The following SEMA3C variants were observed in gnomAD, a reference collection of about 807,000 sequenced individuals.
SEMA3C encodes semaphorin 3C.
A neutral mutation model predicts 89.4 loss-of-function variants in SEMA3C; 47 were observed. The ratio of observed to expected loss-of-function variants is 0.53; its 90% CI spans 0.42 to 0.67. The LOEUF (loss-of-function observed/expected upper bound fraction) is 0.67. Ranked by LOEUF, SEMA3C falls within the 30% of genes least tolerant of loss-of-function variation. The pLI is 0.00. For synonymous variants in SEMA3C, 310 were observed against 320.2 expected (o/e 0.97, Z 0.34); for missense variants, 839 against 929.1 (o/e 0.90, Z 1.26).
At chr7:80,763,177 G>A (rs907917736) in intron 13 of SEMA3C, among the ~76,000 whole-genome samples, 1 of 152,118 alleles carries the variant, frequency 6.6e-6, no homozygotes, top group Non-Finnish European at 1.5e-5. Flanking sequence ...AGAGATTATG[G>A]TCCTGCACTG....
intron 2 of SEMA3C, among the ~76,000 whole-genome samples, chr7:80,848,063 A>G (rs539876554): frequency 1.3e-5 from 2 of 152,312 alleles, no homozygotes; most frequent in Admixed American, 6.5e-5. Flanking sequence ...TATACATGCA[A>G]CTAATTCTAG....
At chr7:80,896,114 T>G (rs1228021032) in intron 2 of SEMA3C, among the ~76,000 whole-genome samples, 1 of 152,144 alleles carries the variant, frequency 6.6e-6, no homozygotes, top group African/African-American at 2.4e-5. Flanking sequence ...AATATTGTAA[T>G]TCATATTACA....
Position 80,919,025 on chromosome 7 carries a change from G to C in SEMA3C, c.-236C>G. On this transcript the variant is annotated 5_prime_UTR_variant, in exon 1 of 18. Coordinates refer to ENST00000265361, the MANE Select transcript of SEMA3C (RefSeq NM_006379.5). ...GCCGCGGCACCCGGAGCTCTTCTCC[G>C]CGTCGCTCAATCAAGCACCTCGGAG... The C allele has an allele frequency of 2.0e-6, 2 of 985,338 alleles. No homozygotes were observed. Among genetic ancestry groups the C allele is most frequent in the South Asian group, 4.7e-5 (1 of 21,290 alleles). The allele number at this position is 985,338 out of a possible 1,614,324, so 61.0% of individuals were successfully genotyped here. A position where few individuals can be genotyped will look rare whatever the true frequency, so the allele number is the denominator to read the frequency against.
intron 2 of SEMA3C, among the ~76,000 whole-genome samples, chr7:80,859,211 G>C (rs1188816598): frequency 1.3e-5 from 2 of 152,028 alleles, no homozygotes; most frequent in Non-Finnish European, 2.9e-5. Flanking sequence ...TTTTCCTATA[G>C]AGATGAGCCA....
At chr7:80,863,966 C>CAT (rs567412699) in intron 2 of SEMA3C, among the ~76,000 whole-genome samples, 1 of 135,938 alleles carries the variant, frequency 7.4e-6, no homozygotes, top group African/African-American at 3.0e-5. Flanking sequence ...ATGTATATCA[C>CAT]ATATATATCA....
In SEMA3C at chr7:80,750,435, CATATATAT is replaced by C. The variant is rs71520704; in HGVS notation, c.1711+826_1711+833del. On this transcript the variant is annotated intron_variant, in intron 16 of 17. Coordinates refer to ENST00000265361, the MANE Select transcript of SEMA3C (RefSeq NM_006379.5). ...TATGGCTTACCTACATACATACGTA[CATATATAT>C]ATATATATATATATATATATATATA... 6.8e-3 allele frequency among the ~76,000 whole-genome samples: 484 copies of C among 71,066 alleles called. 12 individuals carry two copies. The highest frequency in any genetic ancestry group is 0.052 in the South Asian group (124 of 2,400). 46.6% of individuals were successfully genotyped at this position (71,066 alleles called of 152,430 possible).
intron 2 of SEMA3C, among the ~76,000 whole-genome samples, chr7:80,903,376 T>C (rs144472605): frequency 2.6e-5 from 4 of 152,236 alleles, no homozygotes; most frequent in African/African-American, 7.2e-5. Context: ...AATAATCTTA[T>C]GGGGCCAGGC....
chr7:80,803,676 C>T (rs1789265919), intron 8 of SEMA3C, among the ~76,000 whole-genome samples: 2 of 151,962 alleles, frequency 1.3e-5, no homozygotes, highest in African/African-American at 4.8e-5. Flanking sequence ...ATAAATGGTT[C>T]CTTAATAATC....
intron 2 of SEMA3C, among the ~76,000 whole-genome samples, chr7:80,894,779 T>C (rs1791693970): frequency 6.6e-6 from 1 of 152,170 alleles, no homozygotes; most frequent in Non-Finnish European, 1.5e-5. Flanking sequence ...ATTTTTATCA[T>C]CCTTCACACT....
At chr7:80,824,307 A>G (rs1490002944) in intron 4 of SEMA3C, among the ~76,000 whole-genome samples, 1 of 152,178 alleles carries the variant, frequency 6.6e-6, no homozygotes, top group Non-Finnish European at 1.5e-5. Flanking sequence ...CACTACAAAC[A>G]TAATTAATCT....
At chr7:80,776,885 C>T (rs553500489) in intron 12 of SEMA3C, among the ~76,000 whole-genome samples, 3 of 151,986 alleles carry the variant, frequency 2.0e-5, no homozygotes, top group Non-Finnish European at 1.5e-5. Flanking sequence ...CTGCTTATTT[C>T]TAGTGAACAG....
chr7:80,789,368 T>A lies in SEMA3C; in HGVS notation c.1292A>T (p.Lys431Met), dbSNP rs139854935. 4.3e-6 allele frequency: 7 copies of A among 1,613,980 alleles called. No homozygotes were observed. In the African/African-American group the frequency reaches 9.3e-5, roughly 22 times the overall value. The part of the protein sequence containing the change: ...VRIGTDYKYT[K>M]IAVDRVNAAD... ...AGCGTTCACTCGATCCACAGCTATC[T>A]TTGTATACTTGTAGTCAGTGCCAAT... Residue 431 changes from lysine to methionine, a missense_variant, in exon 12 of 18, where the codon AAG becomes ATG. Physicochemically the swap from Lys to Met is moderately conservative, Grantham distance 95 (BLOSUM62 -1). Coordinates refer to ENST00000265361, the MANE Select transcript of SEMA3C (RefSeq NM_006379.5).
intron 2 of SEMA3C, among the ~76,000 whole-genome samples, chr7:80,848,580 C>A (rs1562904196): frequency 6.6e-6 from 1 of 152,126 alleles, no homozygotes; most frequent in Non-Finnish European, 1.5e-5. Flanking sequence ...TAAAGTTAGC[C>A]TTCTTTATAA....
intron 2 of SEMA3C, among the ~76,000 whole-genome samples, chr7:80,832,503 G>C (rs1166609733): frequency 1.3e-5 from 2 of 152,092 alleles, no homozygotes; most frequent in East Asian, 3.9e-4. Flanking sequence ...CATTCTTCTA[G>C]CCAGTGAGTG....
chr7:80,760,781 A>T (rs991442450), intron 14 of SEMA3C, among the ~76,000 whole-genome samples: 5 of 152,204 alleles, frequency 3.3e-5, no homozygotes, highest in Admixed American at 3.3e-4. Context: ...TTGTGAGAAG[A>T]GCATTACCTT....
intron 2 of SEMA3C, chr7:80,847,449 T>G (rs1790416000): frequency 6.6e-6 from 1 of 152,194 alleles, no homozygotes; most frequent in African/African-American, 2.4e-5. Flanking sequence ...GATATTACTT[T>G]GTCAAATTGC....
chr7:80,851,301 T>C (rs1313581615), intron 2 of SEMA3C, among the ~76,000 whole-genome samples: 1 of 151,664 alleles, frequency 6.6e-6, no homozygotes, highest in African/African-American at 2.4e-5. Flanking sequence ...GGTCAGGAGA[T>C]CGAGACCAGC....
intron 15 of SEMA3C, among the ~76,000 whole-genome samples, chr7:80,755,462 A>G (rs915527415): frequency 6.6e-6 from 1 of 151,028 alleles, no homozygotes; most frequent in Non-Finnish European, 1.5e-5. Flanking sequence ...TTGTTGGTCA[A>G]AACAAGTCTT....
chr7:80,879,057 T>G (rs1238688798), intron 2 of SEMA3C, among the ~76,000 whole-genome samples: 1 of 151,994 alleles, frequency 6.6e-6, no homozygotes, highest in Non-Finnish European at 1.5e-5. Context: ...TTCATTGAGG[T>G]AGTGGTGAAG....
Sources: allele counts gnomAD v4.1 joint callset (sites outside exome capture counted in the v4.1 genomes callset), GRCh38; gene constraint gnomAD v4.1.1; transcripts MANE v1.5; gene names NCBI Gene and HGNC (gene_info 2026-07-23, HGNC 2026-07-21).